ZMYND8: variants seen among roughly 807,000 people sequenced by gnomAD.
ZMYND8 encodes MYND-type zinc finger-containing chromatin reader ZMYND8.
Under a neutral mutation model 140.8 loss-of-function variants are expected in ZMYND8, and 37 were observed. That is an observed-to-expected ratio of 0.26 (90% CI 0.20 to 0.35). The LOEUF (loss-of-function observed/expected upper bound fraction) is 0.35, where lower values mean the gene tolerates loss of function less well. Among genes scored for constraint, ZMYND8 ranks in the 10% least tolerant of loss-of-function variants. The pLI is 1.00. For missense variants in ZMYND8, 1,068 were observed against 1,570.0 expected, an observed-to-expected ratio of 0.68 and a Z score of 5.40; for synonymous variants, 592 against 597.1, an observed-to-expected ratio of 0.99 and a Z score of 0.12.
chr20:47,248,378 A>T (rs6012143), intron 13 of ZMYND8, among the ~76,000 whole-genome samples: 3,947 of 152,322 alleles, frequency 0.026, 157 homozygotes, highest in African/African-American at 0.089. Flanking sequence ...CAATGTCCTC[A>T]CCAAACAGGC....
intron 12 of ZMYND8, among the ~76,000 whole-genome samples, chr20:47,257,085 A>G (rs2074792119): frequency 6.6e-6 from 1 of 152,118 alleles, no homozygotes; most frequent in Non-Finnish European, 1.5e-5. Flanking sequence ...CTTATTTATA[A>G]TCACTGCTGA....
In ZMYND8 at chr20:47,350,469, G is replaced by T. The variant is rs73910837; in HGVS notation, c.15-2543C>A. 2.0e-3 allele frequency among the ~76,000 whole-genome samples: 289 copies of T among 148,024 alleles called. 2 individuals carry two copies. The highest frequency in any genetic ancestry group is 6.6e-3 in the African/African-American group (264 of 40,252). ...TCGGTTTTTTTGTGTGTGTGTGTGT[G>T]TTTTTTTTTGATTTAGTGTTAAGAA... On this transcript the variant is annotated intron_variant, in intron 1 of 22. Transcript: ENST00000471951.
At position 47,210,793 on chromosome 20, in the gene ZMYND8, T is replaced by C. The variant is rs1293054322; in HGVS notation, c.3673A>G (p.Lys1225Glu). ...TSTSTKSLLPKESRLDTFWD is the reference protein window; with the variant it reads ...TSTSTKSLLPEESRLDTFWD ...CAGAAGGTGTCCAGCCGAGACTCTTTCGGGAGGAGGCTCTTCGTGCTGGTA... is the reference window on the plus strand; with the variant it reads ...CAGAAGGTGTCCAGCCGAGACTCTTCCGGGAGGAGGCTCTTCGTGCTGGTA... The change falls in exon 23 of 23, where the codon AAA (lysine) becomes GAA (glutamate). Residue 1225 changes from lysine to glutamate, a missense_variant. Lys to Glu is a moderately conservative substitution (Grantham distance 56). Transcript: ENST00000471951. 1 of 1,614,166 alleles carries C rather than the reference T, an allele frequency of 6.2e-7. No homozygotes were observed.
chr20:47,290,914 T>C (rs953733136), intron 6 of ZMYND8, among the ~76,000 whole-genome samples: 1 of 152,122 alleles, frequency 6.6e-6, no homozygotes, highest in Non-Finnish European at 1.5e-5. Flanking sequence ...CATATATTTA[T>C]ACATTATTTA....
chr20:47,211,570 A>C (rs1447270192), intron 22 of ZMYND8, among the ~76,000 whole-genome samples: 2 of 152,202 alleles, frequency 1.3e-5, no homozygotes, highest in Non-Finnish European at 2.9e-5. Flanking sequence ...ATAAGTGAAG[A>C]AGCTGAAGGA....
intron 7 of ZMYND8, 114 bp downstream of exon 7, chr20:47,290,073 T>A: frequency 1.0e-6 from 1 of 989,262 alleles, no homozygotes; most frequent in Non-Finnish European, 1.5e-6. Flanking sequence ...ATTAGCACAA[T>A]CTATACGCAA....
chr20:47,222,697 G>C (rs1355235388), intron 19 of ZMYND8, among the ~76,000 whole-genome samples: 4 of 152,206 alleles, frequency 2.6e-5, no homozygotes, highest in Non-Finnish European at 2.9e-5. Flanking sequence ...AAAACACAAA[G>C]AGACTTTACT....
At chr20:47,270,498 G>A (rs761118733) in intron 11 of ZMYND8, among the ~76,000 whole-genome samples, 1 of 151,020 alleles carries the variant, frequency 6.6e-6, no homozygotes, top group African/African-American at 2.4e-5. Flanking sequence ...GGTGATCCAT[G>A]AACCAAGGAG....
In ZMYND8 at chr20:47,265,366, C is replaced by T. The variant is rs573694660; in HGVS notation, c.1481-2938G>A. ...TAGCAGGAACAAACAAACAAAAACA[C>T]GCAAAGATGCTGTTGCACGTAGAAC... On this transcript the variant is annotated intron_variant, in intron 11 of 22. Transcript: ENST00000471951. Among the ~76,000 whole-genome samples the T allele has an allele frequency of 1.0e-3, 152 of 152,274 alleles. 3 individuals carry two copies. In the South Asian group the frequency reaches 0.031, roughly 31 times the overall value.
intron 1 of ZMYND8, among the ~76,000 whole-genome samples, chr20:47,352,318 AG>A (rs1222129634): frequency 6.6e-6 from 1 of 152,218 alleles, no homozygotes; most frequent in Non-Finnish European, 1.5e-5. Flanking sequence ...TCTACGGCAA[AG>A]GTAAAATAAA....
intron 17 of ZMYND8, 135 bp downstream of exon 17, chr20:47,229,591 A>G (rs1568925119): frequency 1.3e-6 from 1 of 747,928 alleles, no homozygotes. Flanking sequence ...ATCGATAATG[A>G]CAATCAGTAG....
chr20:47,220,973 G>A (rs541678597), intron 20 of ZMYND8, among the ~76,000 whole-genome samples: 5 of 152,170 alleles, frequency 3.3e-5, no homozygotes, highest in Admixed American at 6.5e-5. Context: ...TCAGGTCCTC[G>A]GTCACACTAG....
chr20:47,326,329 T>G (rs1265145636), intron 2 of ZMYND8, among the ~76,000 whole-genome samples: 1 of 152,204 alleles, frequency 6.6e-6, no homozygotes, highest in African/African-American at 2.4e-5. Flanking sequence ...CTCGAACTCC[T>G]GACCTCAGGT....
Position 47,291,780 on chromosome 20 carries a change from T to A in ZMYND8, c.660+16A>T. 6.2e-7 allele frequency: 1 copy of A among 1,606,530 alleles called. No individual in the cohort carries two copies. Among genetic ancestry groups the A allele is most frequent in the East Asian group, 2.2e-5 (1 of 44,644 alleles). ...ACTGTGGGCTAGAATGGTGAGGTTC[T>A]TTGACGGAGGCCAACCTTTTCCAAT... On this transcript the variant is annotated intron_variant, in intron 6 of 22. Coordinates refer to ENST00000471951, the MANE Select transcript of ZMYND8 (RefSeq NM_001281775.3).
Position 47,249,282 on chromosome 20 carries a change from T to A in ZMYND8, c.1774+5A>T. ...TGGAAAAAAAAAACAAAACCAAAGG[T>A]ATACCTAATTGTGCTTTGCAACTCT... On this transcript the variant is annotated splice_donor_5th_base_variant and intron_variant, in intron 13 of 22. Transcript: ENST00000471951. 4 of 1,601,934 alleles carry A rather than the reference T, an allele frequency of 2.5e-6. No individual in the cohort carries two copies. Among genetic ancestry groups the A allele is most frequent in the South Asian group, 2.3e-5 (2 of 87,664 alleles).
intron 1 of ZMYND8, chr20:47,349,792 C>A: frequency 2.6e-6 from 4 of 1,528,766 alleles, no homozygotes; most frequent in Non-Finnish European, 3.5e-6. Context: ...AAACGCTAAT[C>A]TGTGATCCAA....
intron 12 of ZMYND8, among the ~76,000 whole-genome samples, chr20:47,256,471 T>C (rs972685531): frequency 6.7e-6 from 1 of 150,136 alleles, no homozygotes; most frequent in Non-Finnish European, 1.5e-5. Context: ...ATACAAAAAA[T>C]TAGCCAGGCA....
intron 22 of ZMYND8, among the ~76,000 whole-genome samples, chr20:47,212,334 G>A (rs142462619): frequency 2.4e-4 from 37 of 152,302 alleles, no homozygotes; most frequent in African/African-American, 7.2e-4. Flanking sequence ...GAGAGGACAC[G>A]GGACACTGGC....
chr20:47,220,438 G>A (rs1404167961), intron 20 of ZMYND8, 114 bp from the exon 21 acceptor site: 4 of 882,720 alleles, frequency 4.5e-6, no homozygotes, highest in Non-Finnish European at 7.2e-6. Context: ...GCATCTCAGT[G>A]TCCTCTGCCT....
Sources: allele counts gnomAD v4.1 joint callset (sites outside exome capture counted in the v4.1 genomes callset), GRCh38; gene constraint gnomAD v4.1.1; transcripts MANE v1.5; gene names NCBI Gene and HGNC (gene_info 2026-07-23, HGNC 2026-07-21).